Variants in ANKDD1B observed in about 807,000 individuals in gnomAD.
The protein encoded by ANKDD1B is ankyrin repeat and death domain containing 1B.
ANKDD1B carries 57 observed loss-of-function variants against 59.7 expected under a neutral mutation model. The ratio of observed to expected loss-of-function variants is 0.95; its 90% CI spans 0.77 to 1.19. The LOEUF (loss-of-function observed/expected upper bound fraction) is 1.19, where lower values mean the gene tolerates loss of function less well. Among genes scored for constraint, ANKDD1B ranks in the 50% most tolerant of loss-of-function variants. The pLI is 0.00. For missense variants in ANKDD1B, 602 were observed against 641.9 expected, an observed-to-expected ratio of 0.94 and a Z score of 0.67; for synonymous variants, 216 against 239.5, an observed-to-expected ratio of 0.90 and a Z score of 0.91.
intron 7 of ANKDD1B, among the ~76,000 whole-genome samples, chr5:75,648,711 C>T (rs1413165215): frequency 6.6e-6 from 1 of 152,194 alleles, no homozygotes; most frequent in Non-Finnish European, 1.5e-5. Flanking sequence ...GCTATCCACA[C>T]CTATCTGTCC....
chr5:75,663,733 A>G (rs1775226318), intron 11 of ANKDD1B, among the ~76,000 whole-genome samples: 1 of 152,212 alleles, frequency 6.6e-6, no homozygotes, highest in South Asian at 2.1e-4. Context: ...AGCGGCATTG[A>G]CCAGGCCAGC....
chr5:75,640,840 A>G (rs1183209513), intron 7 of ANKDD1B, among the ~76,000 whole-genome samples: 4 of 152,374 alleles, frequency 2.6e-5, no homozygotes, highest in Admixed American at 1.3e-4. Context: ...TTTGGTAAGA[A>G]TTAATGATTT....
intron 5 of ANKDD1B, among the ~76,000 whole-genome samples, chr5:75,630,216 A>G (rs986083630): frequency 6.6e-6 from 1 of 152,176 alleles, no homozygotes; most frequent in African/African-American, 2.4e-5. Flanking sequence ...AATAAAGGAC[A>G]TGATAAGAAA....
intron 5 of ANKDD1B, among the ~76,000 whole-genome samples, chr5:75,627,028 G>T (rs1774013947): frequency 6.6e-6 from 1 of 152,106 alleles, no homozygotes; most frequent in South Asian, 2.1e-4. Flanking sequence ...CAATATTAAT[G>T]ATAAGAAGTA....
intron 1 of ANKDD1B, among the ~76,000 whole-genome samples, chr5:75,616,060 G>C (rs80096689): frequency 6.6e-6 from 1 of 151,988 alleles, no homozygotes; most frequent in East Asian, 1.9e-4. Flanking sequence ...CCTCTCTTAC[G>C]GTCCTTTCTG....
At chr5:75,620,252 C>A in intron 2 of ANKDD1B, 63 bp from the exon 3 acceptor site, 1 of 815,720 alleles carries the variant, frequency 1.2e-6, no homozygotes, top group Non-Finnish European at 1.9e-6. Context: ...ATTCAAGAAA[C>A]AGGAAACCTA....
chr5:75,638,629 T>C (rs1374888463), intron 7 of ANKDD1B, among the ~76,000 whole-genome samples: 4 of 152,212 alleles, frequency 2.6e-5, no homozygotes, highest in Non-Finnish European at 4.4e-5. Context: ...TTTTGTATTT[T>C]CTCTAAACTC....
intron 7 of ANKDD1B, among the ~76,000 whole-genome samples, 178 bp from the exon 8 acceptor site, chr5:75,652,964 T>G (rs1438801992): frequency 1.3e-5 from 2 of 152,194 alleles, no homozygotes; most frequent in East Asian, 3.8e-4. Flanking sequence ...AATTTTTCAG[T>G]TCCATTGTAA....
At chr5:75,648,552 C>T (rs144974744) in intron 7 of ANKDD1B, among the ~76,000 whole-genome samples, 1 of 152,328 alleles carries the variant, frequency 6.6e-6, no homozygotes, top group African/African-American at 2.4e-5. Flanking sequence ...AGACTTCAGG[C>T]TCCATATTGC....
rs71628913 is a variant in ANKDD1B at position 75,641,410 on chromosome 5, G to A, written c.798+5528G>A. Reference sequence around the variant, plus strand: ...ACAAAAAATTTGAATAGCACCAAAGGGTATATGATAAAAAAGTGTCTTACT... The same window carrying A: ...ACAAAAAATTTGAATAGCACCAAAGAGTATATGATAAAAAAGTGTCTTACT... On this transcript the variant is annotated intron_variant, in intron 7 of 13. Transcript: ENST00000601380. Among the ~76,000 whole-genome samples, 1,106 of 152,090 alleles carry A rather than the reference G, an allele frequency of 7.3e-3. 11 individuals are homozygous for A. Among genetic ancestry groups the A allele is most frequent in the East Asian group, 0.045 (232 of 5,176 alleles).
chr5:75,665,535 G>A (rs1775283002), intron 11 of ANKDD1B, among the ~76,000 whole-genome samples: 1 of 152,150 alleles, frequency 6.6e-6, no homozygotes, highest in African/African-American at 2.4e-5. Flanking sequence ...AGAATTCCTG[G>A]GAGCTAGGCA....
intron 1 of ANKDD1B, among the ~76,000 whole-genome samples, chr5:75,612,328 GCCCTCCGCCCCGC>G (rs1773588725): frequency 2.6e-5 from 1 of 38,468 alleles, no homozygotes; most frequent in Non-Finnish European, 5.8e-5. Context: ...GCCCCCCCCC[GCCCTCCGCCCCGC>G]CCCCGCCCTC....
chr5:75,611,587 G>A lies in ANKDD1B; in HGVS notation c.-48G>A, dbSNP rs2431295. 1 of 1,087,864 alleles carries A rather than the reference G, an allele frequency of 9.2e-7. No homozygotes were observed. The highest frequency in any genetic ancestry group is 1.1e-6 in the Non-Finnish European group (1 of 876,510). 67.4% of individuals were successfully genotyped at this position (1,087,864 alleles called of 1,614,324 possible). On this transcript the variant is annotated 5_prime_UTR_variant, in exon 1 of 14. Transcript: ENST00000601380. ...GTGTCCGAGTCTGGGTCTGGATCTG[G>A]GTCCGAGTCTGGGTCTGGCCCTGCG...
At position 75,671,229 on chromosome 5, in the gene ANKDD1B, T is replaced by G. The variant is rs1775474743; in HGVS notation, c.*189T>G. The G allele has an allele frequency of 2.7e-6, 1 of 364,548 alleles. No individual in the cohort carries two copies. The highest frequency in any genetic ancestry group is 4.9e-6 in the Non-Finnish European group (1 of 204,468). The allele number at this position is 364,548 out of a possible 1,614,324, so 22.6% of individuals were successfully genotyped here. On this transcript the variant is annotated 3_prime_UTR_variant, in exon 14 of 14. Coordinates refer to ENST00000601380, the MANE Select transcript of ANKDD1B (RefSeq NM_001276713.2). ...CTAAAAAGTCAAATATAGTTTTTTT[T>G]GCTGAGGGCAAGTTGTATGTGATTT... is the stretch of plus-strand genomic sequence containing the variant.
intron 13 of ANKDD1B, 59 bp from the exon 14 acceptor site, chr5:75,670,920 T>C: frequency 5.0e-6 from 3 of 594,334 alleles, no homozygotes; most frequent in Non-Finnish European, 7.4e-6. Context: ...TAGTGCCTGG[T>C]AGACAATCAG....
chr5:75,614,997 TTC>T (rs918023112), intron 1 of ANKDD1B, among the ~76,000 whole-genome samples: 1 of 152,228 alleles, frequency 6.6e-6, no homozygotes, highest in Non-Finnish European at 1.5e-5. Context: ...CAAAATAAAT[TTC>T]TGTTTTTTTA....
chr5:75,624,467 A>G (rs1313604348), intron 3 of ANKDD1B, among the ~76,000 whole-genome samples: 2 of 152,202 alleles, frequency 1.3e-5, no homozygotes, highest in African/African-American at 2.4e-5. Flanking sequence ...CTTATTTGGT[A>G]GACAAGTCAG....
Position 75,617,592 on chromosome 5 carries a change from A to C in ANKDD1B, c.297+685A>C, listed in dbSNP as rs537850735. Among the ~76,000 whole-genome samples, 21 of 152,194 alleles carry C rather than the reference A, an allele frequency of 1.4e-4. No homozygotes were observed. In the East Asian group the frequency reaches 4.1e-3, roughly 29 times the overall value. On this transcript the variant is annotated intron_variant, in intron 2 of 13. Transcript: ENST00000601380. The stretch of plus-strand genomic sequence containing the variant: ...GTCAATTGCTTAGGACAATTTGTGG[A>C]GTGGTTCAAGGTGGGTGTGGCAGAG...
chr5:75,643,545 G>GA (rs1454074948), intron 7 of ANKDD1B, among the ~76,000 whole-genome samples: 1 of 38,092 alleles, frequency 2.6e-5, no homozygotes, highest in East Asian at 5.9e-4. Context: ...GAAGTTTAGA[G>GA]AAAAAAGAAT....
Sources: gnomAD v4.1 joint callset for allele counts (sites outside exome capture counted in the v4.1 genomes callset) on GRCh38, gnomAD v4.1.1 for gene constraint, MANE v1.5 for transcripts, NCBI Gene and HGNC (gene_info 2026-07-23, HGNC 2026-07-21) for gene names.